Variants in ZNHIT6 observed in about 807,000 individuals in gnomAD.
The protein encoded by ZNHIT6 is zinc finger HIT-type containing 6.
ZNHIT6 carries 45 observed loss-of-function variants against 57.2 expected under a neutral mutation model. The ratio of observed to expected loss-of-function variants is 0.79; its 90% CI spans 0.62 to 1.01. ZNHIT6 has a LOEUF of 1.01. ZNHIT6 is among the 50% of genes least tolerant of loss of function. The pLI, the probability that ZNHIT6 is intolerant of heterozygous loss-of-function variation, is 0.00. For synonymous variants in ZNHIT6, 188 were observed against 190.0 expected (o/e 0.99, Z 0.09); for missense variants, 528 against 567.3 (o/e 0.93, Z 0.70).
intron 8 of ZNHIT6, among the ~76,000 whole-genome samples, chr1:85,665,191 C>CA (rs1204522892): frequency 2.6e-5 from 4 of 152,172 alleles, no homozygotes; most frequent in African/African-American, 9.7e-5. Flanking sequence ...CCCTAGCTAA[C>CA]ACCTCTCCTT....
In ZNHIT6 at chr1:85,708,221, C is replaced by A; in HGVS notation, c.64G>T (p.Val22Leu). 1.2e-6 allele frequency: 2 copies of A among 1,613,534 alleles called. No homozygotes were observed. Among genetic ancestry groups the A allele is most frequent in the Non-Finnish European group, 1.7e-6 (2 of 1,179,572 alleles). The change falls in exon 1 of 10, where the codon GTG becomes TTG. Residue 22 changes from valine (V) to leucine (L), a missense_variant. Val to Leu is a conservative substitution (Grantham distance 32). Transcript: ENST00000370574. ...GGGLHSVAEG[V>L]RLSPEPGREG... is the part of the protein sequence containing the mutation. The stretch of plus-strand genomic sequence containing the variant: ...CTGCCAGGCTCTGGACTTAGCCGCA[C>A]CCCCTCAGCTACGCTGTGGAGACCT...
chr1:85,687,353 C>T (rs1305545603), intron 5 of ZNHIT6, among the ~76,000 whole-genome samples: 3 of 141,240 alleles, frequency 2.1e-5, no homozygotes, highest in African/African-American at 5.1e-5. Flanking sequence ...TATCAAATAC[C>T]GACAGTGTCT....
At chr1:85,684,024 T>C (rs1262628035) in intron 5 of ZNHIT6, among the ~76,000 whole-genome samples, 3 of 152,148 alleles carry the variant, frequency 2.0e-5, no homozygotes, top group African/African-American at 7.2e-5. Flanking sequence ...GGATAAAGGT[T>C]TGAACATTTA....
intron 5 of ZNHIT6, among the ~76,000 whole-genome samples, chr1:85,697,702 T>C (rs747151491): frequency 3.7e-4 from 56 of 152,334 alleles, no homozygotes; most frequent in African/African-American, 1.3e-3. Context: ...TAAACTTCAG[T>C]TATTTATGAA....
In ZNHIT6 at chr1:85,653,075, G is replaced by A. The variant is rs1396449222; in HGVS notation, c.*983C>T. On this transcript the variant is annotated 3_prime_UTR_variant, in exon 10 of 10. Coordinates refer to ENST00000370574, the MANE Select transcript of ZNHIT6 (RefSeq NM_017953.4). ...AAACTGGTCATCACAACACCCTTCT[G>A]CAGTAATGATGAGAGTGGGCTAGGA... The A allele has an allele frequency of 6.6e-6, 1 of 151,970 alleles. No individual in the cohort carries two copies. The highest frequency in any genetic ancestry group is 1.5e-5 in the Non-Finnish European group (1 of 68,032). 9.4% of individuals were successfully genotyped at this position (151,970 alleles called of 1,614,324 possible).
chr1:85,692,982 CCTCTATTATCTTCATACT>C (rs1662260551), intron 5 of ZNHIT6, among the ~76,000 whole-genome samples: 3 of 152,040 alleles, frequency 2.0e-5, no homozygotes, highest in Non-Finnish European at 4.4e-5. Flanking sequence ...AATAGGCGCA[CCTCTATTATCTTCATACT>C]GTAAGTAAAA....
intron 5 of ZNHIT6, among the ~76,000 whole-genome samples, chr1:85,696,692 T>A (rs1336972445): frequency 6.6e-6 from 1 of 152,078 alleles, no homozygotes; most frequent in Non-Finnish European, 1.5e-5. Context: ...TGAGAAACAT[T>A]ACCAAATTGC....
At chr1:85,664,418 T>C (rs1416709582) in intron 8 of ZNHIT6, among the ~76,000 whole-genome samples, 2 of 152,216 alleles carry the variant, frequency 1.3e-5, no homozygotes, top group Non-Finnish European at 2.9e-5. Context: ...CATTTTTACA[T>C]TGGCTATTTT....
chr1:85,676,191 C>T (rs1201532948), intron 8 of ZNHIT6, among the ~76,000 whole-genome samples: 2 of 151,990 alleles, frequency 1.3e-5, no homozygotes, highest in African/African-American at 4.8e-5. Context: ...ACAAAATTAG[C>T]CGGGCGTGGT....
chr1:85,693,978 T>C (rs1172953508), intron 5 of ZNHIT6, among the ~76,000 whole-genome samples: 1 of 151,792 alleles, frequency 6.6e-6, no homozygotes, highest in African/African-American at 2.4e-5. Flanking sequence ...AAAAAACAGA[T>C]AAACAAAAAA....
At chr1:85,693,280 A>T (rs926180372) in intron 5 of ZNHIT6, among the ~76,000 whole-genome samples, 1 of 152,164 alleles carries the variant, frequency 6.6e-6, no homozygotes, top group Non-Finnish European at 1.5e-5. Context: ...AGATACTGGG[A>T]TTATTTACAC....
At chr1:85,666,139 G>A (rs1271349136) in intron 8 of ZNHIT6, among the ~76,000 whole-genome samples, 1 of 152,154 alleles carries the variant, frequency 6.6e-6, no homozygotes, top group African/African-American at 2.4e-5. Context: ...TTTACTAGAG[G>A]TGAAAGGACA....
At chr1:85,686,396 G>A (rs1440406030) in intron 5 of ZNHIT6, among the ~76,000 whole-genome samples, 1 of 152,022 alleles carries the variant, frequency 6.6e-6, no homozygotes, top group East Asian at 1.9e-4. Context: ...CAGAACGAGG[G>A]TTACCTATCT....
At position 85,652,362 on chromosome 1, in the gene ZNHIT6, C is replaced by T. The variant is rs996070984; in HGVS notation, c.*1696G>A. 6.6e-6 allele frequency: 1 copy of T among 152,084 alleles called. No individual in the cohort carries two copies. Among genetic ancestry groups the T allele is most frequent in the African/African-American group, 2.4e-5 (1 of 41,414 alleles). 9.4% of individuals were successfully genotyped at this position (152,084 alleles called of 1,614,324 possible). ...TTCACTTTTGATTATAAATGAATTC[C>T]TTGAAATCTTATTTGTCTCTCCAAT... On this transcript the variant is annotated 3_prime_UTR_variant, in exon 10 of 10. Transcript: ENST00000370574.
chr1:85,689,997 A>G (rs1398881226), intron 5 of ZNHIT6, among the ~76,000 whole-genome samples: 1 of 152,196 alleles, frequency 6.6e-6, no homozygotes, highest in Admixed American at 6.5e-5. Flanking sequence ...TGCGGAGAAA[A>G]TATGTACTAT....
At chr1:85,697,194 C>T (rs955543894) in intron 5 of ZNHIT6, among the ~76,000 whole-genome samples, 8 of 152,028 alleles carry the variant, frequency 5.3e-5, no homozygotes, top group African/African-American at 1.9e-4. Flanking sequence ...ATCCTCTGCC[C>T]CTTTCCTAAT....
At chr1:85,671,383 G>A (rs566681115) in intron 8 of ZNHIT6, among the ~76,000 whole-genome samples, 4 of 152,164 alleles carry the variant, frequency 2.6e-5, no homozygotes, top group East Asian at 3.9e-4. Context: ...GACCTCAGGC[G>A]TTCAAGGCTG....
chr1:85,658,098 C>G lies in ZNHIT6; in HGVS notation c.1248-127G>C, dbSNP rs1661112548. On this transcript the variant is annotated intron_variant, in intron 8 of 9. Coordinates refer to ENST00000370574, the MANE Select transcript of ZNHIT6 (RefSeq NM_017953.4). Reference sequence around the variant, plus strand: ...GGTGATGACAATTCAGTAGTTACTTCCTTATAGCATAGTAAGTTTAATACC... The same window carrying G: ...GGTGATGACAATTCAGTAGTTACTTGCTTATAGCATAGTAAGTTTAATACC... 3 of 574,302 alleles carry G rather than the reference C, an allele frequency of 5.2e-6. No individual in the cohort carries two copies. In the African/African-American group the frequency reaches 5.8e-5, roughly 11 times the overall value. 35.6% of individuals were successfully genotyped at this position (574,302 alleles called of 1,614,324 possible). A position where few individuals can be genotyped will look rare whatever the true frequency, so the allele number is the denominator to read the frequency against.
At chr1:85,704,346 T>C (rs1557877091) in intron 4 of ZNHIT6, among the ~76,000 whole-genome samples, 1 of 152,150 alleles carries the variant, frequency 6.6e-6, no homozygotes, top group Non-Finnish European at 1.5e-5. Context: ...TTCTAAACTG[T>C]TTTTTATTCT....
Sources: gnomAD v4.1 joint callset for allele counts (sites outside exome capture counted in the v4.1 genomes callset) on GRCh38, gnomAD v4.1.1 for gene constraint, MANE v1.5 for transcripts, NCBI Gene and HGNC (gene_info 2026-07-23, HGNC 2026-07-21) for gene names.